Variants in C3orf22 observed in about 807,000 individuals in gnomAD.
C3orf22 encodes uncharacterized protein C3orf22.
In C3orf22, 7 loss-of-function variants were observed where a neutral mutation model predicts 10.8. The observed-to-expected ratio is 0.65, with a 90% CI of 0.37 to 1.22. The LOEUF (loss-of-function observed/expected upper bound fraction) is 1.22. Among genes scored for constraint, C3orf22 ranks in the 50% most tolerant of loss-of-function variants. The pLI, the probability that C3orf22 is intolerant of heterozygous loss-of-function variation, is 0.02. For synonymous variants in C3orf22, 79 were observed against 78.9 expected, an observed-to-expected ratio of 1.00 and a Z score of 0.00; for missense variants, 173 against 177.0, an observed-to-expected ratio of 0.98 and a Z score of 0.13.
intron 4 of C3orf22, chr3:126,542,170 G>C: frequency 6.8e-7 from 1 of 1,476,380 alleles, no homozygotes; most frequent in Non-Finnish European, 8.9e-7. Context: ...GCATCGTTCA[G>C]CGCCTGCGGC....
chr3:126,541,082 G>A lies in C3orf22; in HGVS notation c.286+8455C>T, dbSNP rs988959087. Among the ~76,000 whole-genome samples the A allele has an allele frequency of 3.9e-5, 6 of 152,314 alleles. No homozygotes were observed. In the South Asian group the frequency reaches 1.0e-3, roughly 26 times the overall value. On this transcript the variant is annotated intron_variant and NMD_transcript_variant, in intron 4 of 5. Transcript: ENST00000505070. ...CTCTACATGGCTGAGGCTGCGAGGG[G>A]CTCCGGACCTAATTCGGAGAGCGGT...
chr3:126,542,531 T>C, intron 4 of C3orf22: 1 of 1,535,924 alleles, frequency 6.5e-7, no homozygotes, highest in Non-Finnish European at 8.7e-7. Context: ...CAAGATGGAC[T>C]TCCTGCTTTT....
rs538697542 is a variant in C3orf22, at chr3:126,552,060, G to A, written c.152C>T (p.Ser51Leu). The A allele has an allele frequency of 4.3e-6, 7 of 1,613,734 alleles. No homozygotes were observed. The highest frequency in any genetic ancestry group is 4.5e-5 in the East Asian group (2 of 44,850). ...PLQPWEVTND[S>L]NTVQLPLQKR... is the part of the protein sequence containing the mutation. ...CTGCAGGGGCAGCTGCACCGTGTTCGAGTCGTTTGTGACCTCCCAGGGCTG... is the reference window on the plus strand; with the variant it reads ...CTGCAGGGGCAGCTGCACCGTGTTCAAGTCGTTTGTGACCTCCCAGGGCTG... The change falls in exon 3 of 4, where the codon TCG (serine) becomes TTG (leucine). Residue 51 changes from serine (S) to leucine (L), a missense_variant. Coordinates refer to ENST00000318225, the MANE Select transcript of C3orf22 (RefSeq NM_152533.3).
chr3:126,542,176 G>T, intron 4 of C3orf22: 1 of 1,450,854 alleles, frequency 6.9e-7, no homozygotes, highest in African/African-American at 1.5e-5. Flanking sequence ...TTCAGCGCCT[G>T]CGGCCGCGCG....
chr3:126,548,767 T>A (rs1376472295), downstream of C3orf22, among the ~76,000 whole-genome samples: 2 of 152,108 alleles, frequency 1.3e-5, no homozygotes, highest in Non-Finnish European at 2.9e-5. Context: ...TTCGTGCAGG[T>A]TGGGAACCCA....
rs1243886395 is a variant in C3orf22, at chr3:126,549,776, G to A, written c.*92C>T. 1 of 1,516,542 alleles carries A rather than the reference G, an allele frequency of 6.6e-7. No homozygotes were observed. Among genetic ancestry groups the A allele is most frequent in the Non-Finnish European group, 8.8e-7 (1 of 1,132,554 alleles). 93.9% of individuals were successfully genotyped at this position (1,516,542 alleles called of 1,614,324 possible). The stretch of plus-strand genomic sequence containing the variant: ...CTCCCGGTCTATGATGGCCATGAAG[G>A]CTGATCCCTTTACTAAAGTCTCTGT... On this transcript the variant is annotated 3_prime_UTR_variant, in exon 4 of 4. Coordinates refer to ENST00000318225, the MANE Select transcript of C3orf22 (RefSeq NM_152533.3).
At chr3:126,532,951 A>T (rs1415908648) in intron 4 of C3orf22, among the ~76,000 whole-genome samples, 1 of 152,184 alleles carries the variant, frequency 6.6e-6, no homozygotes, top group African/African-American at 2.4e-5. Flanking sequence ...ACGATGTCTC[A>T]TGGTTTTCAG....
chr3:126,554,283 A>G (rs1260524609), intron 1 of C3orf22, among the ~76,000 whole-genome samples: 1 of 98,498 alleles, frequency 1.0e-5, no homozygotes, highest in East Asian at 2.6e-4. Flanking sequence ...TTTTTTTTTG[A>G]GACGAAGTCT....
chr3:126,530,723 C>T (rs1936639685), intron 4 of C3orf22, among the ~76,000 whole-genome samples: 1 of 152,282 alleles, frequency 6.6e-6, no homozygotes, highest in African/African-American at 2.4e-5. Flanking sequence ...CTCCTGTCAG[C>T]TCCTTTTCTG....
chr3:126,541,683 GC>G, intron 4 of C3orf22: 1 of 1,374,280 alleles, frequency 7.3e-7, no homozygotes, highest in Non-Finnish European at 9.4e-7. Flanking sequence ...GAGTCAGGGA[GC>G]CCGCGCTGCC....
intron 4 of C3orf22, among the ~76,000 whole-genome samples, chr3:126,530,953 CA>C (rs1936645943): frequency 2.6e-5 from 4 of 152,256 alleles, no homozygotes; most frequent in African/African-American, 4.8e-5. Context: ...AGGCAGGGGG[CA>C]GCAGGACCCT....
chr3:126,536,926 C>CT (rs1936808481), intron 4 of C3orf22, among the ~76,000 whole-genome samples: 1 of 149,048 alleles, frequency 6.7e-6, no homozygotes. Context: ...CACACACACC[C>CT]CACACACACA....
chr3:126,551,119 G>A (rs1322891657), intron 3 of C3orf22, among the ~76,000 whole-genome samples: 2 of 152,244 alleles, frequency 1.3e-5, no homozygotes, highest in Non-Finnish European at 2.9e-5. Context: ...TTCTTTGTGT[G>A]TGTGTGTGTG....
chr3:126,528,657 G>C (rs1046714169), intron 5 of C3orf22, among the ~76,000 whole-genome samples: 5 of 152,136 alleles, frequency 3.3e-5, no homozygotes, highest in Non-Finnish European at 5.9e-5. Context: ...GGGTCCGGAG[G>C]GTTCTGGAGG....
At chr3:126,553,191 G>T in intron 2 of C3orf22, 111 bp downstream of exon 2, 1 of 824,390 alleles carries the variant, frequency 1.2e-6, no homozygotes, top group Non-Finnish European at 2.1e-6. Context: ...GTCTCCCTGT[G>T]GACAAAACCC....
chr3:126,542,481 A>C (rs1200149816), intron 4 of C3orf22: 1 of 1,580,830 alleles, frequency 6.3e-7, no homozygotes, highest in Admixed American at 1.8e-5. Flanking sequence ...CTCTTCCGGG[A>C]CATCAGCCCC....
exon 6 of C3orf22, chr3:126,527,550 C>A (rs977899420): frequency 6.6e-6 from 1 of 152,366 alleles, no homozygotes; most frequent in Non-Finnish European, 1.5e-5. Flanking sequence ...CTCAAGTGCC[C>A]GTCTCTGAGC....
At chr3:126,530,221 C>T (rs1184588012) in intron 4 of C3orf22, among the ~76,000 whole-genome samples, 1 of 152,268 alleles carries the variant, frequency 6.6e-6, no homozygotes, top group Admixed American at 6.5e-5. Context: ...GGAGGCGGCC[C>T]AGCCCTGTAA....
At chr3:126,550,682 C>T (rs888290144) in intron 3 of C3orf22, among the ~76,000 whole-genome samples, 6 of 152,162 alleles carry the variant, frequency 3.9e-5, no homozygotes, top group East Asian at 1.9e-4. Context: ...CTCATGGGCC[C>T]GGCCGTAGAG....
Sources: allele counts gnomAD v4.1 joint callset (sites outside exome capture counted in the v4.1 genomes callset), GRCh38; gene constraint gnomAD v4.1.1; transcripts MANE v1.5; gene names NCBI Gene and HGNC (gene_info 2026-07-23, HGNC 2026-07-21).